Variants in ALS2CL observed in about 807,000 individuals in gnomAD.
ALS2CL encodes the protein ALS2 C-terminal like, also known as ALS2 C-terminal-like protein.
Under a neutral mutation model 127.9 loss-of-function variants are expected in ALS2CL, and 112 were observed. The observed-to-expected ratio is 0.88, with a 90% CI of 0.75 to 1.02. The LOEUF is 1.02. ALS2CL is among the 50% of genes least tolerant of loss of function. The probability of loss-of-function intolerance (pLI) is 0.00; values close to 1 mark genes in which losing one functional copy is unlikely to be tolerated. For missense variants in ALS2CL, 1,174 were observed against 1,236.7 expected (o/e 0.95, Z 0.76); for synonymous variants, 519 against 527.6 (o/e 0.98, Z 0.22).
intron 4 of ALS2CL, 103 bp downstream of exon 4, chr3:46,687,516 T>C (rs971573543): frequency 1.5e-6 from 2 of 1,320,590 alleles, no homozygotes; most frequent in Non-Finnish European, 2.1e-6. Context: ...GGATGAGTTG[T>C]GGGCTGTGAC....
At chr3:46,673,230 C>CA in intron 22 of ALS2CL, 109 bp downstream of exon 22, 1 of 950,360 alleles carries the variant, frequency 1.1e-6, no homozygotes, top group Non-Finnish European at 1.5e-6. Context: ...CACCCTGCCC[C>CA]TCCCCAGCTC....
chr3:46,678,031 A>C (rs2106707349), intron 16 of ALS2CL, among the ~76,000 whole-genome samples: 1 of 151,490 alleles, frequency 6.6e-6, no homozygotes, highest in East Asian at 1.9e-4. Flanking sequence ...ACCTAAGCAA[A>C]GCCTACAAAT....
At position 46,683,859 on chromosome 3, in the gene ALS2CL, G is replaced by A. The variant is rs780024582; in HGVS notation, c.846-11C>T. 8 of 1,614,160 alleles carry A rather than the reference G, an allele frequency of 5.0e-6. No homozygotes were observed. Among genetic ancestry groups the A allele is most frequent in the East Asian group, 4.5e-5 (2 of 44,886 alleles). On this transcript the variant is annotated splice_polypyrimidine_tract_variant and intron_variant, in intron 8 of 25. Transcript: ENST00000318962. Reference sequence around the variant, plus strand: ...AGGTGAAACGTGCACCTAGACAGACGGAGGTGATGAGTAGGCCCCAGCTTT... The same window carrying A: ...AGGTGAAACGTGCACCTAGACAGACAGAGGTGATGAGTAGGCCCCAGCTTT...
chr3:46,681,135 T>G lies in ALS2CL; in HGVS notation c.1436+111A>C. 1 of 1,528,010 alleles carries G rather than the reference T, an allele frequency of 6.5e-7. No homozygotes were observed. The highest frequency in any genetic ancestry group is 1.1e-5 in the South Asian group (1 of 89,062). 94.7% of individuals were successfully genotyped at this position (1,528,010 alleles called of 1,614,324 possible). A position where few individuals can be genotyped will look rare whatever the true frequency, so the allele number is the denominator to read the frequency against. On this transcript the variant is annotated intron_variant, in intron 13 of 25. Transcript: ENST00000318962. This position sits in a 1 kb window ranked among gnomAD's most constrained non-coding sequence, Gnocchi z 4.9. ...AGGGACTGGAGGGGAAGTGAGGGGC[T>G]TAAGAGAGACACAGTGGGGGACAAA...
At position 46,685,706 on chromosome 3, in the gene ALS2CL, C is replaced by G. The variant is rs193166247; in HGVS notation, c.667-62G>C. ...CCTCTGTCCTGCAAGCTGCCTGCCA[C>G]TCTGCCACCTCCCAATGTACCCCAG... On this transcript the variant is annotated intron_variant, in intron 6 of 25. Coordinates refer to ENST00000318962, the MANE Select transcript of ALS2CL (RefSeq NM_147129.5). 2.1e-4 allele frequency: 323 copies of G among 1,557,056 alleles called. No individual in the cohort carries two copies. In the African/African-American group the frequency reaches 3.5e-3, roughly 17 times the overall value.
At chr3:46,690,092 G>A (rs1700067384) in intron 1 of ALS2CL, among the ~76,000 whole-genome samples, 1 of 152,222 alleles carries the variant, frequency 6.6e-6, no homozygotes, top group African/African-American at 2.4e-5. Context: ...GCTCATGGGT[G>A]TGAGGGCCCA....
intron 13 of ALS2CL, 47 bp from the exon 14 acceptor site, chr3:46,680,588 T>C (rs1260534826): frequency 1.9e-6 from 3 of 1,557,812 alleles, no homozygotes; most frequent in Non-Finnish European, 2.6e-6. Flanking sequence ...CTCATTCCCA[T>C]GTACCTCCTG....
In ALS2CL at chr3:46,681,153, G is replaced by A; in HGVS notation, c.1436+93C>T. On this transcript the variant is annotated intron_variant, in intron 13 of 25. Transcript: ENST00000318962. The surrounding 1 kb of genome is among the most constrained non-coding windows in gnomAD (Gnocchi z 4.9). ...GAGGGGCTTAAGAGAGACACAGTGG[G>A]GGACAAACAGGAGCCTGTGTCCTGC... 6.4e-7 allele frequency: 1 copy of A among 1,569,344 alleles called. No homozygotes were observed. The highest frequency in any genetic ancestry group is 8.8e-7 in the Non-Finnish European group (1 of 1,141,696).
In ALS2CL at chr3:46,689,333, C is replaced by G. The variant is rs748124393; in HGVS notation, c.103+5G>C. 1 of 1,612,666 alleles carries G rather than the reference C, an allele frequency of 6.2e-7. No homozygotes were observed. Among genetic ancestry groups the G allele is most frequent in the Non-Finnish European group, 8.5e-7 (1 of 1,179,780 alleles). ...TTCCCTCCCCACTAGAAAGCCTAGACTCACCGGCTGGGAGCAGGGGCTGGA... is the reference window on the plus strand; with the variant it reads ...TTCCCTCCCCACTAGAAAGCCTAGAGTCACCGGCTGGGAGCAGGGGCTGGA... On this transcript the variant is annotated splice_donor_5th_base_variant and intron_variant, in intron 2 of 25. Transcript: ENST00000318962.
At position 46,689,409 on chromosome 3, in the gene ALS2CL, C is replaced by A; in HGVS notation, c.32G>T (p.Arg11Leu). 6.2e-7 allele frequency: 1 copy of A among 1,611,786 alleles called. No homozygotes were observed. The highest frequency in any genetic ancestry group is 8.5e-7 in the Non-Finnish European group (1 of 1,179,504). The change falls in exon 2 of 26, where the codon CGG (arginine) becomes CTG (leucine). Residue 11 changes from arginine (R) to leucine (L), a missense_variant. Transcript: ENST00000318962. Reference sequence around the variant, plus strand: ...GGTGGCTGAGAAGACCTCCTCCAGCCGCAGCAGAGCTGCCTCCTCAGGGTT... The same window carrying A: ...GGTGGCTGAGAAGACCTCCTCCAGCAGCAGCAGAGCTGCCTCCTCAGGGTT... The part of the protein sequence containing the change: MCNPEEAALL[R>L]LEEVFSATLA...
At chr3:46,677,722 A>G (rs774160740) in intron 16 of ALS2CL, among the ~76,000 whole-genome samples, 91 of 152,228 alleles carry the variant, frequency 6.0e-4, no homozygotes, top group Non-Finnish European at 1.0e-3. Flanking sequence ...CAACAGACGC[A>G]ACAAGAGCAA....
Position 46,690,748 on chromosome 3 carries a change from T to C in ALS2CL, c.-25-1283A>G, listed in dbSNP as rs141220048. Among the ~76,000 whole-genome samples, 306 of 152,164 alleles carry C rather than the reference T, an allele frequency of 2.0e-3. 1 individual carries two copies. The highest frequency in any genetic ancestry group is 6.9e-3 in the African/African-American group (286 of 41,500). Reference sequence around the variant, plus strand: ...AACCTGTGTGGGGCAGGGGACAAAATCAGGGCAGCCAACGATGGGCAGGTG... The same window carrying C: ...AACCTGTGTGGGGCAGGGGACAAAACCAGGGCAGCCAACGATGGGCAGGTG... On this transcript the variant is annotated intron_variant, in intron 1 of 25. Coordinates refer to ENST00000318962, the MANE Select transcript of ALS2CL (RefSeq NM_147129.5).
rs774485416 is a variant in ALS2CL, at chr3:46,681,197, G to T, written c.1436+49C>A. 6.2e-7 allele frequency: 1 copy of T among 1,612,134 alleles called. No homozygotes were observed. Among genetic ancestry groups the T allele is most frequent in the Non-Finnish European group, 8.5e-7 (1 of 1,178,828 alleles). ...GTCCTGCAACAATCTGGTCTGTGAG[G>T]GCCCGGTCCACCCCTCCGTCCTGGG... is the stretch of plus-strand genomic sequence containing the variant. On this transcript the variant is annotated intron_variant, in intron 13 of 25. Coordinates refer to ENST00000318962, the MANE Select transcript of ALS2CL (RefSeq NM_147129.5). This position sits in a 1 kb window ranked among gnomAD's most constrained non-coding sequence, Gnocchi z 4.9.
chr3:46,671,376 G>C (rs1698376462), intron 25 of ALS2CL, 112 bp downstream of exon 25: 1 of 1,492,626 alleles, frequency 6.7e-7, no homozygotes, highest in South Asian at 1.3e-5. Flanking sequence ...TCACACATGA[G>C]CTGTGAATTT....
At position 46,686,271 on chromosome 3, in the gene ALS2CL, AC is replaced by A. The variant is rs1699765598; in HGVS notation, c.666+36del. On this transcript the variant is annotated intron_variant, in intron 6 of 25. Transcript: ENST00000318962. This position sits in a 1 kb window ranked among gnomAD's most constrained non-coding sequence, Gnocchi z 4.3. ...CCAACATCTCCATGCCCAATGTGGA[AC>A]CCCCTCCCTAACTGCCCCTCAGGCC... 2.5e-6 allele frequency: 4 copies of A among 1,571,124 alleles called. No individual in the cohort carries two copies. The South Asian group carries it at 4.7e-5, about 19-fold the overall frequency.
chr3:46,681,408 C>T lies in ALS2CL; in HGVS notation c.1275-1G>A. On this transcript the variant is annotated splice_acceptor_variant, in intron 12 of 25. Coordinates refer to ENST00000318962, the MANE Select transcript of ALS2CL (RefSeq NM_147129.5). LOFTEE classifies it high-confidence loss of function. This position sits in a 1 kb window ranked among gnomAD's most constrained non-coding sequence, Gnocchi z 4.9. ...CTTGTACACCTCGTCGGTGCTGTAC[C>T]TGGGGAGGGCCATCAACAACGAGCT... is the stretch of plus-strand genomic sequence containing the variant. 1 of 1,605,808 alleles carries T rather than the reference C, an allele frequency of 6.2e-7. No individual in the cohort carries two copies. The highest frequency in any genetic ancestry group is 8.5e-7 in the Non-Finnish European group (1 of 1,173,694).
chr3:46,670,806 C>T lies in ALS2CL; in HGVS notation c.*178G>A. The T allele has an allele frequency of 8.1e-6, 5 of 619,422 alleles. No homozygotes were observed. The highest frequency in any genetic ancestry group is 5.8e-5 in the East Asian group (2 of 34,540). 38.4% of individuals were successfully genotyped at this position (619,422 alleles called of 1,614,324 possible). A position where few individuals can be genotyped will look rare whatever the true frequency, so the allele number is the denominator to read the frequency against. Reference sequence around the variant, plus strand: ...AAAACCACCACATCCAGGGCCACACCCGTCACCCCTCACCCTCATCCCAGT... The same window carrying T: ...AAAACCACCACATCCAGGGCCACACTCGTCACCCCTCACCCTCATCCCAGT... On this transcript the variant is annotated 3_prime_UTR_variant, in exon 26 of 26. Transcript: ENST00000318962. The surrounding 1 kb of genome is among the most constrained non-coding windows in gnomAD (Gnocchi z 5.5).
chr3:46,683,930 C>A, intron 8 of ALS2CL, 59 bp downstream of exon 8: 1 of 1,613,336 alleles, frequency 6.2e-7, no homozygotes, highest in South Asian at 1.1e-5. Context: ...AGGGTGTGGG[C>A]AGGTGTCATG....
intron 19 of ALS2CL, 112 bp from the exon 20 acceptor site, chr3:46,675,798 C>T: frequency 1.3e-6 from 2 of 1,558,816 alleles, no homozygotes; most frequent in Non-Finnish European, 1.7e-6. Context: ...GTGGACATGG[C>T]CTGCAGGGTT....
Sources: allele counts gnomAD v4.1 joint callset (sites outside exome capture counted in the v4.1 genomes callset), GRCh38; gene constraint gnomAD v4.1.1; non-coding constraint Gnocchi (gnomAD v3.1); transcripts MANE v1.5; gene names NCBI Gene and HGNC (gene_info 2026-07-23, HGNC 2026-07-21).